Variants in SMYD3 observed in about 807,000 individuals in gnomAD.
The protein encoded by SMYD3 is SET and MYND domain containing 3.
SMYD3 carries 36 observed loss-of-function variants against 57.7 expected under a neutral mutation model. The ratio of observed to expected loss-of-function variants is 0.62; its 90% CI spans 0.48 to 0.82. The LOEUF (loss-of-function observed/expected upper bound fraction) is 0.82. SMYD3 is among the 40% of genes least tolerant of loss of function. The probability of loss-of-function intolerance (pLI) is 0.00; values close to 1 mark genes in which losing one functional copy is unlikely to be tolerated. For synonymous variants in SMYD3, 211 were observed against 195.0 expected, an observed-to-expected ratio of 1.08 and a Z score of -0.68; for missense variants, 515 against 538.8, an observed-to-expected ratio of 0.96 and a Z score of 0.44.
intron 1 of SMYD3, among the ~76,000 whole-genome samples, chr1:246,386,847 G>C (rs2066490912): frequency 6.6e-6 from 1 of 151,578 alleles, no homozygotes; most frequent in Admixed American, 6.6e-5. Context: ...TACATTATAA[G>C]ATTGTTATAC....
chr1:246,115,358 G>C (rs768346650), intron 5 of SMYD3, among the ~76,000 whole-genome samples: 3 of 152,106 alleles, frequency 2.0e-5, no homozygotes, highest in Non-Finnish European at 4.4e-5. Flanking sequence ...GACCCAAAGA[G>C]CCTTGCCTCA....
At chr1:246,313,357 G>A (rs2065108441) in intron 5 of SMYD3, among the ~76,000 whole-genome samples, 1 of 152,152 alleles carries the variant, frequency 6.6e-6, no homozygotes, top group Non-Finnish European at 1.5e-5. Context: ...GCCACTGAAT[G>A]ATTGTGAAGG....
intron 5 of SMYD3, among the ~76,000 whole-genome samples, chr1:246,017,735 T>G (rs2059401671): frequency 1.3e-5 from 2 of 152,194 alleles, no homozygotes; most frequent in African/African-American, 4.8e-5. Context: ...CCTAAGAATT[T>G]GGGAGTGGGG....
chr1:246,240,452 C>G (rs144147650), intron 5 of SMYD3, among the ~76,000 whole-genome samples: 1 of 152,118 alleles, frequency 6.6e-6, no homozygotes, highest in African/African-American at 2.4e-5. Context: ...TGATCTATAT[C>G]TCTGTTTTGG....
intron 5 of SMYD3, among the ~76,000 whole-genome samples, chr1:246,130,962 A>G (rs951664955): frequency 1.3e-5 from 2 of 151,974 alleles, no homozygotes; most frequent in African/African-American, 4.8e-5. Flanking sequence ...TCGTCTTAAC[A>G]CTCCTAGTCC....
intron 5 of SMYD3, among the ~76,000 whole-genome samples, chr1:245,959,677 C>A (rs548580975): frequency 6.6e-6 from 1 of 152,324 alleles, no homozygotes; most frequent in South Asian, 2.1e-4. Context: ...TATACCAGTG[C>A]TGTCTTCCCT....
At chr1:246,201,194 C>T (rs1008720409) in intron 5 of SMYD3, among the ~76,000 whole-genome samples, 1 of 152,154 alleles carries the variant, frequency 6.6e-6, no homozygotes, top group African/African-American at 2.4e-5. Flanking sequence ...TCAAGATTCC[C>T]CTCTAAGTAA....
chr1:246,382,342 G>A (rs2066402376), intron 1 of SMYD3, among the ~76,000 whole-genome samples: 1 of 151,930 alleles, frequency 6.6e-6, no homozygotes, highest in African/African-American at 2.4e-5. Flanking sequence ...AGAATGCCAG[G>A]TCAGTCCTCA....
At chr1:245,917,768 A>G (rs1264969630) in intron 7 of SMYD3, among the ~76,000 whole-genome samples, 4 of 152,210 alleles carry the variant, frequency 2.6e-5, no homozygotes, top group African/African-American at 9.7e-5. Flanking sequence ...TTAAAAGTAG[A>G]AAGTAATCAT....
At chr1:245,752,149 T>C (rs889823195) in intron 11 of SMYD3, among the ~76,000 whole-genome samples, 1 of 152,202 alleles carries the variant, frequency 6.6e-6, no homozygotes, top group South Asian at 2.1e-4. Flanking sequence ...TTGAAAGCAC[T>C]CTTAGATGTT....
intron 9 of SMYD3, among the ~76,000 whole-genome samples, chr1:245,862,748 G>A (rs1017439873): frequency 1.3e-5 from 2 of 152,052 alleles, no homozygotes; most frequent in South Asian, 2.1e-4. Flanking sequence ...ATTACTTTTC[G>A]TCAAATCCCT....
chr1:245,962,340 T>G lies in SMYD3; in HGVS notation c.532-32403A>C, dbSNP rs767822903. Among the ~76,000 whole-genome samples, 99 of 152,236 alleles carry G rather than the reference T, an allele frequency of 6.5e-4. 1 individual carries two copies. Among genetic ancestry groups the G allele is most frequent in the Non-Finnish European group, 9.9e-4 (67 of 68,008 alleles). On this transcript the variant is annotated intron_variant, in intron 5 of 11. Transcript: ENST00000490107. Reference sequence around the variant, plus strand: ...TTTACAACCTATCTTGCAAGATGAGTATACATGAAATATTAGAGGATCCTG... The same window carrying G: ...TTTACAACCTATCTTGCAAGATGAGGATACATGAAATATTAGAGGATCCTG...
intron 10 of SMYD3, among the ~76,000 whole-genome samples, chr1:245,812,659 C>T (rs1300818623): frequency 7.4e-6 from 1 of 134,754 alleles, no homozygotes; most frequent in Non-Finnish European, 1.5e-5. Context: ...ATGCCCAGTG[C>T]TTTGGTAAGA....
intron 5 of SMYD3, among the ~76,000 whole-genome samples, chr1:246,224,979 G>T (rs2063306930): frequency 6.6e-6 from 1 of 152,044 alleles, no homozygotes; most frequent in African/African-American, 2.4e-5. Flanking sequence ...ATCCAAGTGA[G>T]GATGAAACCA....
chr1:246,167,963 T>C (rs1038434909), intron 5 of SMYD3, among the ~76,000 whole-genome samples: 1 of 152,220 alleles, frequency 6.6e-6, no homozygotes, highest in Non-Finnish European at 1.5e-5. Flanking sequence ...TTGGTCATTT[T>C]TAAGCAAGGT....
At chr1:246,131,843 T>C (rs1572080209) in intron 5 of SMYD3, among the ~76,000 whole-genome samples, 1 of 152,206 alleles carries the variant, frequency 6.6e-6, no homozygotes, top group Non-Finnish European at 1.5e-5. Context: ...TAAAATACTT[T>C]ATATGAAACT....
intron 1 of SMYD3, among the ~76,000 whole-genome samples, chr1:246,447,558 C>T (rs114352186): frequency 0.011 from 1,641 of 152,290 alleles, 20 homozygotes; most frequent in African/African-American, 0.034. Flanking sequence ...GTTGTCTCAC[C>T]AGTCTTAAAA....
chr1:246,179,415 A>G (rs2062494793), intron 5 of SMYD3, among the ~76,000 whole-genome samples: 1 of 152,210 alleles, frequency 6.6e-6, no homozygotes, highest in Non-Finnish European at 1.5e-5. Flanking sequence ...TGTCCTACAT[A>G]TAAATCTGTC....
intron 1 of SMYD3, among the ~76,000 whole-genome samples, chr1:246,420,695 A>AT (rs1284355906): frequency 6.6e-6 from 1 of 152,240 alleles, no homozygotes; most frequent in African/African-American, 2.4e-5. Flanking sequence ...ATGCCCACTA[A>AT]TAAAAACCTT....
Sources: gnomAD v4.1 joint callset for allele counts (sites outside exome capture counted in the v4.1 genomes callset) on GRCh38, gnomAD v4.1.1 for gene constraint, MANE v1.5 for transcripts, NCBI Gene and HGNC (gene_info 2026-07-23, HGNC 2026-07-21) for gene names.